The following FCHO2 variants were observed in gnomAD, a reference collection of about 807,000 sequenced individuals.
FCHO2 encodes F-BAR domain only protein 2.
FCHO2 carries 43 observed loss-of-function variants against 114.1 expected under a neutral mutation model. The observed-to-expected ratio is 0.38, with a 90% CI of 0.30 to 0.49. The LOEUF is 0.49. Ranked by LOEUF, FCHO2 falls within the 20% of genes least tolerant of loss-of-function variation. The pLI is 0.97. For synonymous variants in FCHO2, 293 were observed against 315.2 expected (o/e 0.93, Z 0.75); for missense variants, 807 against 950.4 (o/e 0.85, Z 1.98).
At chr5:72,977,861 A>G (rs1272258051) in intron 2 of FCHO2, among the ~76,000 whole-genome samples, 2 of 152,222 alleles carry the variant, frequency 1.3e-5, no homozygotes, top group African/African-American at 4.8e-5. Flanking sequence ...TCCCAACACC[A>G]TTTATTAAAT....
At chr5:73,083,054 G>GTT (rs369631939) in intron 24 of FCHO2, among the ~76,000 whole-genome samples, 5 of 143,982 alleles carry the variant, frequency 3.5e-5, no homozygotes, top group Admixed American at 7.0e-5. Context: ...TTGTTTGTTT[G>GTT]TTTTTTTTTT....
rs1194422262 is a variant in FCHO2 at position 73,006,452 on chromosome 5, T to G, written c.503T>G (p.Val168Gly). The G allele has an allele frequency of 2.0e-6, 3 of 1,523,078 alleles. No individual in the cohort carries two copies. The highest frequency in any genetic ancestry group is 2.6e-6 in the Non-Finnish European group (3 of 1,144,232). 94.3% of individuals were successfully genotyped at this position (1,523,078 alleles called of 1,614,324 possible). A position where few individuals can be genotyped will look rare whatever the true frequency, so the allele number is the denominator to read the frequency against. ...TATTTTATTTTATTACAGGCAGCTGTTAAATCTAAGAAAGCTACAGATACC... is the reference window on the plus strand; with the variant it reads ...TATTTTATTTTATTACAGGCAGCTGGTAAATCTAAGAAAGCTACAGATACC... Reference protein sequence around the residue: ...ATQREIEKAAVKSKKATDTYK... With the variant: ...ATQREIEKAAGKSKKATDTYK... The change falls in exon 6 of 26, where the codon GTT (valine) becomes GGT (glycine). Residue 168 changes from valine to glycine, a missense_variant. Val to Gly is a moderately radical substitution (Grantham distance 109). Transcript: ENST00000430046.
chr5:72,960,064 G>C (rs1751771450), intron 1 of FCHO2, among the ~76,000 whole-genome samples: 1 of 152,190 alleles, frequency 6.6e-6, no homozygotes, highest in Non-Finnish European at 1.5e-5. Flanking sequence ...AAAAGGCTGA[G>C]CCACTGTGCC....
In FCHO2 at chr5:73,002,209, A is replaced by G. The variant is rs553881751; in HGVS notation, c.496-4236A>G. Among the ~76,000 whole-genome samples the G allele has an allele frequency of 2.6e-5, 4 of 152,310 alleles. No individual in the cohort carries two copies. In the South Asian group the frequency reaches 8.3e-4, roughly 32 times the overall value. ...AATTTATGAAAATATGCTGGTGTAA[A>G]AGCCTTAATGGTTTTATCCCTCTTG... On this transcript the variant is annotated intron_variant, in intron 5 of 25. Transcript: ENST00000430046.
At chr5:73,063,700 C>T (rs570990018) in intron 17 of FCHO2, 141 bp from the exon 18 acceptor site, 2 of 698,496 alleles carry the variant, frequency 2.9e-6, no homozygotes, top group African/African-American at 3.6e-5. Flanking sequence ...AATATTTCAA[C>T]ATCTATAATT....
intron 24 of FCHO2, among the ~76,000 whole-genome samples, chr5:73,086,087 A>T (rs573361208): frequency 6.6e-6 from 1 of 151,666 alleles, no homozygotes; most frequent in African/African-American, 2.4e-5. Context: ...GTGCCACTGC[A>T]CTCCAGCCTA....
chr5:73,056,713 T>C (rs1757613047), intron 16 of FCHO2, among the ~76,000 whole-genome samples: 1 of 152,198 alleles, frequency 6.6e-6, no homozygotes, highest in Non-Finnish European at 1.5e-5. Context: ...TTCATACATA[T>C]CTGTATTTCA....
rs1374644979 is a variant in FCHO2 at position 72,975,268 on chromosome 5, A to G, written c.125+6679A>G. On this transcript the variant is annotated intron_variant, in intron 2 of 25. Transcript: ENST00000430046. ...AAGCCTGGAACAATAGGATAATCAT[A>G]TTTCTTGAAGGACCCAATGAGAAAG... 2.6e-5 allele frequency among the ~76,000 whole-genome samples: 4 copies of G among 152,202 alleles called. No individual in the cohort carries two copies. In the East Asian group the frequency reaches 7.7e-4, roughly 29 times the overall value.
At position 73,068,693 on chromosome 5, in the gene FCHO2, C is replaced by A; in HGVS notation, c.1493C>A (p.Pro498His). Residue 498 changes from proline to histidine, a missense_variant, in exon 19 of 26, where the codon CCT becomes CAT. Coordinates refer to ENST00000430046, the MANE Select transcript of FCHO2 (RefSeq NM_138782.3). ...CCTGTAACTTCCAACACCAGCCCAC[C>A]TCCTGCTGCACCATTAGCCCGGGCA... Reference protein sequence around the residue: ...SPPVTSNTSPPPAAPLARAES... With the variant: ...SPPVTSNTSPHPAAPLARAES... The A allele has an allele frequency of 6.2e-7, 1 of 1,612,454 alleles. No homozygotes were observed. Among genetic ancestry groups the A allele is most frequent in the South Asian group, 1.1e-5 (1 of 91,044 alleles).
chr5:72,982,505 A>T (rs564597654), intron 2 of FCHO2, among the ~76,000 whole-genome samples: 1 of 152,350 alleles, frequency 6.6e-6, no homozygotes, highest in South Asian at 2.1e-4. Context: ...AAAGAACAAA[A>T]GTATTTAATT....
chr5:73,078,327 A>G lies in FCHO2; in HGVS notation c.1980+15A>G. 1.3e-6 allele frequency: 2 copies of G among 1,569,872 alleles called. No homozygotes were observed. The highest frequency in any genetic ancestry group is 1.7e-6 in the Non-Finnish European group (2 of 1,163,102). On this transcript the variant is annotated intron_variant, in intron 22 of 25. Transcript: ENST00000430046. The stretch of plus-strand genomic sequence containing the variant: ...TAAAGTATCAGGTGAGTGTCACGAC[A>G]TTGCAAAAATTCTAAATTAAAATAT...
intron 8 of FCHO2, among the ~76,000 whole-genome samples, chr5:73,031,451 A>G (rs1405981838): frequency 6.6e-6 from 1 of 152,142 alleles, no homozygotes; most frequent in Non-Finnish European, 1.5e-5. Flanking sequence ...GAGATTTAGG[A>G]TTGATTCCGA....
At chr5:72,968,897 A>G (rs1752352240) in intron 2 of FCHO2, among the ~76,000 whole-genome samples, 1 of 152,200 alleles carries the variant, frequency 6.6e-6, no homozygotes, top group Non-Finnish European at 1.5e-5. Flanking sequence ...AGGATAAAAC[A>G]TTAACATTTG....
chr5:72,997,395 C>T, intron 5 of FCHO2: 2 of 1,599,486 alleles, frequency 1.3e-6, no homozygotes, highest in South Asian at 2.2e-5. Flanking sequence ...CAGCACTGCA[C>T]TTTGGAGTTG....
At chr5:72,972,933 G>A (rs1378296368) in intron 2 of FCHO2, among the ~76,000 whole-genome samples, 1 of 152,180 alleles carries the variant, frequency 6.6e-6, no homozygotes, top group Admixed American at 6.5e-5. Flanking sequence ...TTTTGTCAAA[G>A]GCCTTTTCTG....
At chr5:73,053,350 C>T (rs1432935716) in intron 13 of FCHO2, among the ~76,000 whole-genome samples, 2 of 151,856 alleles carry the variant, frequency 1.3e-5, no homozygotes, top group Non-Finnish European at 2.9e-5. Context: ...TTTATTGTAC[C>T]ATTACTATTT....
rs1400670900 is a variant in FCHO2 at position 73,090,030 on chromosome 5, C to T, written c.*1940C>T. 1 of 152,516 alleles carries T rather than the reference C, an allele frequency of 6.6e-6. No individual in the cohort carries two copies. The highest frequency in any genetic ancestry group is 2.4e-5 in the African/African-American group (1 of 41,430). 9.4% of individuals were successfully genotyped at this position (152,516 alleles called of 1,614,324 possible). A position where few individuals can be genotyped will look rare whatever the true frequency, so the allele number is the denominator to read the frequency against. On this transcript the variant is annotated 3_prime_UTR_variant, in exon 26 of 26. Transcript: ENST00000430046. ...TGCAATCAAACTGCTTTTAGGGCAGCCAATATTTTATTATTGGAATTCAGA... is the reference window on the plus strand; with the variant it reads ...TGCAATCAAACTGCTTTTAGGGCAGTCAATATTTTATTATTGGAATTCAGA...
Position 73,058,413 on chromosome 5 carries a change from T to C in FCHO2, c.1254-20T>C. 1 of 1,507,954 alleles carries C rather than the reference T, an allele frequency of 6.6e-7. No homozygotes were observed. Among genetic ancestry groups the C allele is most frequent in the South Asian group, 1.3e-5 (1 of 76,080 alleles). The allele number at this position is 1,507,954 out of a possible 1,614,324, so 93.4% of individuals were successfully genotyped here. The stretch of plus-strand genomic sequence containing the variant: ...AAAATATTCTCGTTAAAATTTTTGC[T>C]TTTAAAAATATTATGGTAGAAAAGG... On this transcript the variant is annotated intron_variant, in intron 16 of 25. Coordinates refer to ENST00000430046, the MANE Select transcript of FCHO2 (RefSeq NM_138782.3).
chr5:73,011,105 C>G (rs1754984999), intron 6 of FCHO2, among the ~76,000 whole-genome samples: 1 of 152,032 alleles, frequency 6.6e-6, no homozygotes, highest in African/African-American at 2.4e-5. Flanking sequence ...ATTAAAAATG[C>G]TGCATCTGAG....
Sources: gnomAD v4.1 joint callset for allele counts (sites outside exome capture counted in the v4.1 genomes callset) on GRCh38, gnomAD v4.1.1 for gene constraint, MANE v1.5 for transcripts, NCBI Gene and HGNC (gene_info 2026-07-23, HGNC 2026-07-21) for gene names.